Variants in CAPZB observed in about 807,000 individuals in gnomAD.
CAPZB encodes capping actin protein of muscle Z-line subunit beta, also known as F-actin-capping protein subunit beta.
A neutral mutation model predicts 38.1 loss-of-function variants in CAPZB; 2 were observed. The ratio of observed to expected loss-of-function variants is 0.05; its 90% CI spans 0.02 to 0.17. The LOEUF (loss-of-function observed/expected upper bound fraction) is 0.17. Among genes scored for constraint, CAPZB ranks in the 10% least tolerant of loss-of-function variants. CAPZB has a pLI of 1.00. For missense variants in CAPZB, 161 were observed against 334.2 expected, an observed-to-expected ratio of 0.48 and a Z score of 4.04; for synonymous variants, 107 against 127.4, an observed-to-expected ratio of 0.84 and a Z score of 1.08.
At chr1:19,383,640 C>T (rs2094188212) in intron 3 of CAPZB, among the ~76,000 whole-genome samples, 1 of 152,088 alleles carries the variant, frequency 6.6e-6, no homozygotes, top group South Asian at 2.1e-4. Context: ...ATTTGATCGG[C>T]CTCAGGGCTG....
chr1:19,376,941 G>A (rs75559255), intron 4 of CAPZB, among the ~76,000 whole-genome samples: 13 of 152,318 alleles, frequency 8.5e-5, no homozygotes, highest in East Asian at 1.9e-4. Flanking sequence ...CTGTCAGCTC[G>A]TTTGTAAGAG....
At chr1:19,462,218 C>T (rs1463309467) in intron 1 of CAPZB, among the ~76,000 whole-genome samples, 2 of 151,444 alleles carry the variant, frequency 1.3e-5, no homozygotes, top group South Asian at 2.1e-4. Flanking sequence ...TTTGGGAGGC[C>T]GAGGCAGGTG....
chr1:19,422,154 C>T (rs2094403652), intron 1 of CAPZB, among the ~76,000 whole-genome samples: 1 of 152,200 alleles, frequency 6.6e-6, no homozygotes, highest in African/African-American at 2.4e-5. Context: ...CGTGCACACA[C>T]ATACACACAC....
At chr1:19,409,804 A>T (rs2094349654) in intron 2 of CAPZB, among the ~76,000 whole-genome samples, 1 of 152,234 alleles carries the variant, frequency 6.6e-6, no homozygotes, top group African/African-American at 2.4e-5. Flanking sequence ...TTCTAAGTTA[A>T]ATTTGCATGC....
intron 3 of CAPZB, among the ~76,000 whole-genome samples, chr1:19,382,807 A>G (rs1275020356): frequency 6.6e-6 from 1 of 152,180 alleles, no homozygotes; most frequent in Non-Finnish European, 1.5e-5. Context: ...GGTGGAAATA[A>G]TAAATATAAT....
intron 2 of CAPZB, among the ~76,000 whole-genome samples, chr1:19,386,756 G>A (rs1053263386): frequency 1.1e-4 from 16 of 152,160 alleles, no homozygotes; most frequent in African/African-American, 3.1e-4. Flanking sequence ...GGAAAGCAAC[G>A]CCCAGCACAA....
At chr1:19,367,305 C>T (rs1252425911) in intron 4 of CAPZB, among the ~76,000 whole-genome samples, 1 of 152,222 alleles carries the variant, frequency 6.6e-6, no homozygotes, top group Non-Finnish European at 1.5e-5. Context: ...AAGCACTTGC[C>T]ATGGCACCTG....
At chr1:19,366,914 A>C (rs1237025943) in intron 4 of CAPZB, among the ~76,000 whole-genome samples, 5 of 152,170 alleles carry the variant, frequency 3.3e-5, no homozygotes, top group Admixed American at 6.5e-5. Context: ...CCTTACAACA[A>C]AACAGGCACC....
intron 1 of CAPZB, chr1:19,448,780 G>A: frequency 6.2e-7 from 1 of 1,606,318 alleles, no homozygotes; most frequent in East Asian, 2.2e-5. Context: ...CAACCCTGAT[G>A]GCCACGGCCA....
rs6679527 is a variant in CAPZB at position 19,395,135 on chromosome 1, G to A, written c.94-9509C>T. Among the ~76,000 whole-genome samples the A allele has an allele frequency of 2.4e-3, 358 of 152,228 alleles. 2 individuals are homozygous for A. The highest frequency in any genetic ancestry group is 8.4e-3 in the African/African-American group (349 of 41,536). On this transcript the variant is annotated intron_variant, in intron 2 of 8. Transcript: ENST00000264202. ...ATTTTCTACTTCCAGTGGATTTTTCGTCACGTAACCCCTTCGAGGGTGCAG... is the reference window on the plus strand; with the variant it reads ...ATTTTCTACTTCCAGTGGATTTTTCATCACGTAACCCCTTCGAGGGTGCAG...
At chr1:19,447,185 G>A (rs1322723888) in intron 1 of CAPZB, among the ~76,000 whole-genome samples, 3 of 148,698 alleles carry the variant, frequency 2.0e-5, no homozygotes, top group Non-Finnish European at 3.0e-5. Context: ...TGTAATTGTT[G>A]TTGCTTTGTT....
At chr1:19,345,852 C>T (rs781705434) in intron 6 of CAPZB, among the ~76,000 whole-genome samples, 22 of 152,202 alleles carry the variant, frequency 1.4e-4, no homozygotes, top group African/African-American at 4.6e-4. Context: ...CTTCCTCGCA[C>T]CAGGGCCTGT....
chr1:19,399,827 C>T (rs893527709), intron 2 of CAPZB, among the ~76,000 whole-genome samples: 1 of 152,150 alleles, frequency 6.6e-6, no homozygotes, highest in Admixed American at 6.5e-5. Flanking sequence ...TGACATCCTA[C>T]GAAGTTTCAT....
intron 2 of CAPZB, among the ~76,000 whole-genome samples, chr1:19,414,332 T>C (rs997181555): frequency 6.6e-6 from 1 of 152,212 alleles, no homozygotes; most frequent in African/African-American, 2.4e-5. Flanking sequence ...CTGCTCTGGC[T>C]ACTTAAAAAG....
At chr1:19,449,913 G>A (rs948860694) in intron 1 of CAPZB, among the ~76,000 whole-genome samples, 1 of 151,946 alleles carries the variant, frequency 6.6e-6, no homozygotes, top group Non-Finnish European at 1.5e-5. Flanking sequence ...GGCTGAGTCA[G>A]GAGAATCGAT....
chr1:19,484,455 A>G, intron 1 of CAPZB: 1 of 1,480,164 alleles, frequency 6.8e-7, no homozygotes, highest in Non-Finnish European at 9.0e-7. Flanking sequence ...TCGCACGCAC[A>G]GCACCCACGG....
At position 19,366,238 on chromosome 1, in the gene CAPZB, G is replaced by A. The variant is rs573937896; in HGVS notation, c.330-8675C>T. Among the ~76,000 whole-genome samples, 8 of 148,862 alleles carry A rather than the reference G, an allele frequency of 5.4e-5. No individual in the cohort carries two copies. In the East Asian group the frequency reaches 1.6e-3, roughly 30 times the overall value. On this transcript the variant is annotated intron_variant, in intron 4 of 8. Coordinates refer to ENST00000264202, the MANE Select transcript of CAPZB (RefSeq NM_004930.5). ...AAGGTGGGGGGATCACTTGACTCCA[G>A]GAGTTCAAGACCAGCCTGGGCAACA...
rs566128367 is a variant in CAPZB, at chr1:19,462,750, A to C, written c.3+22686T>G. 7.2e-5 allele frequency among the ~76,000 whole-genome samples: 11 copies of C among 152,358 alleles called. No homozygotes were observed. The South Asian group carries it at 2.3e-3, about 32-fold the overall frequency. Reference sequence around the variant, plus strand: ...TATCCAGAAGAATTCTTTAAAGAAAAGTTCTCAATGGGAGTCAACATTCAT... The same window carrying C: ...TATCCAGAAGAATTCTTTAAAGAAACGTTCTCAATGGGAGTCAACATTCAT... On this transcript the variant is annotated intron_variant, in intron 1 of 8. Transcript: ENST00000264202.
At chr1:19,395,865 C>T (rs1396839649) in intron 2 of CAPZB, among the ~76,000 whole-genome samples, 3 of 152,238 alleles carry the variant, frequency 2.0e-5, no homozygotes, top group Non-Finnish European at 4.4e-5. Context: ...CTGAGAACTG[C>T]CTGCAGCCGG....
Sources: gnomAD v4.1 joint callset for allele counts (sites outside exome capture counted in the v4.1 genomes callset) on GRCh38, gnomAD v4.1.1 for gene constraint, MANE v1.5 for transcripts, NCBI Gene and HGNC (gene_info 2026-07-23, HGNC 2026-07-21) for gene names.